HIBCH: variants seen among roughly 807,000 people sequenced by gnomAD.
HIBCH encodes 3-hydroxyisobutyryl-CoA hydrolase.
In HIBCH, 50 loss-of-function variants were observed where a neutral mutation model predicts 58.2. The observed-to-expected ratio is 0.86, with a 90% CI of 0.68 to 1.09. The LOEUF (loss-of-function observed/expected upper bound fraction) is 1.09. HIBCH is among the 50% of genes least tolerant of loss of function. The pLI, the probability that HIBCH is intolerant of heterozygous loss-of-function variation, is 0.00. For synonymous variants in HIBCH, 151 were observed against 146.9 expected (o/e 1.03, Z -0.20); for missense variants, 450 against 449.7 (o/e 1.00, Z -0.01).
chr2:190,211,756 C>T lies in HIBCH; in HGVS notation c.1011+1200G>A, dbSNP rs1209126734. Among the ~76,000 whole-genome samples, 1 of 152,066 alleles carries T rather than the reference C, an allele frequency of 6.6e-6. No homozygotes were observed. The highest frequency in any genetic ancestry group is 1.5e-5 in the Non-Finnish European group (1 of 68,004). On this transcript the variant is annotated intron_variant, in intron 12 of 13. Coordinates refer to ENST00000359678, the MANE Select transcript of HIBCH (RefSeq NM_014362.4). The surrounding 1 kb of genome is among the most constrained non-coding windows in gnomAD (Gnocchi z 5.0). ...ATTTTACTTATTTTGTTTACTTGTT[C>T]TTTGTAGTCTCAGTAGACTAAACCC... is the stretch of plus-strand genomic sequence containing the variant.
At chr2:190,297,863 C>A (rs1688144933) in intron 2 of HIBCH, among the ~76,000 whole-genome samples, 2 of 151,902 alleles carry the variant, frequency 1.3e-5, no homozygotes, top group South Asian at 4.1e-4. Flanking sequence ...GGTTTTAAAC[C>A]CTGCGTGCAT....
chr2:190,228,979 G>A (rs1291108193), intron 11 of HIBCH, among the ~76,000 whole-genome samples: 1 of 152,126 alleles, frequency 6.6e-6, no homozygotes, highest in East Asian at 1.9e-4. Context: ...CTTTTGACAA[G>A]TTTTATCTAG....
At chr2:190,284,343 A>C (rs3791800) in intron 6 of HIBCH, among the ~76,000 whole-genome samples, 39,795 of 152,062 alleles carry the variant, frequency 0.26, 5,766 homozygotes, top group African/African-American at 0.37. Flanking sequence ...TGCCTTCAGA[A>C]ATGATGTGCT....
At chr2:190,263,373 T>G (rs1440883917) in intron 6 of HIBCH, among the ~76,000 whole-genome samples, 1 of 152,182 alleles carries the variant, frequency 6.6e-6, no homozygotes, top group Non-Finnish European at 1.5e-5. Flanking sequence ...ATGAAATGCT[T>G]TACTGGGCTT....
intron 11 of HIBCH, among the ~76,000 whole-genome samples, chr2:190,229,682 C>A (rs933058010): frequency 5.3e-5 from 8 of 152,148 alleles, no homozygotes; most frequent in Non-Finnish European, 1.0e-4. Flanking sequence ...TTTTTAAACA[C>A]TTGCAAGGCA....
At position 190,281,294 on chromosome 2, in the gene HIBCH, C is replaced by A. The variant is rs1416200962; in HGVS notation, c.438+6292G>T. Among the ~76,000 whole-genome samples the A allele has an allele frequency of 6.6e-6, 1 of 152,192 alleles. No homozygotes were observed. The highest frequency in any genetic ancestry group is 2.4e-5 in the African/African-American group (1 of 41,450). On this transcript the variant is annotated intron_variant, in intron 6 of 13. Coordinates refer to ENST00000359678, the MANE Select transcript of HIBCH (RefSeq NM_014362.4). This position sits in a 1 kb window ranked among gnomAD's most constrained non-coding sequence, Gnocchi z 5.4. ...TTCTGACAGCCTGCAGAATTAGCAC[C>A]ACATGGATGCCACCAAGGCTTATGG...
At chr2:190,286,886 T>C (rs1480215865) in intron 6 of HIBCH, among the ~76,000 whole-genome samples, 4 of 151,910 alleles carry the variant, frequency 2.6e-5, no homozygotes. Flanking sequence ...CTCAACATTC[T>C]AGTTTCTCTT....
At chr2:190,300,318 C>A (rs1688227682) in intron 2 of HIBCH, among the ~76,000 whole-genome samples, 1 of 152,142 alleles carries the variant, frequency 6.6e-6, no homozygotes, top group Non-Finnish European at 1.5e-5. Context: ...ACATCCTCAC[C>A]AGCATCTGTT....
In HIBCH at chr2:190,254,898, T is replaced by G. The variant is rs1297861431; in HGVS notation, c.518-2591A>C. ...ACAGCCACTAGCCATATGTAGCTAT[T>G]AAACACCTGAAATGTAGCTGGTGTG... On this transcript the variant is annotated intron_variant, in intron 7 of 13. Transcript: ENST00000359678. This position sits in a 1 kb window ranked among gnomAD's most constrained non-coding sequence, Gnocchi z 5.0. 6.6e-6 allele frequency among the ~76,000 whole-genome samples: 1 copy of G among 152,234 alleles called. No individual in the cohort carries two copies. Among genetic ancestry groups the G allele is most frequent in the Non-Finnish European group, 1.5e-5 (1 of 68,040 alleles).
Position 190,209,619 on chromosome 2 carries a change from A to T in HIBCH, c.1012-706T>A, listed in dbSNP as rs1187193286. Among the ~76,000 whole-genome samples, 1 of 152,204 alleles carries T rather than the reference A, an allele frequency of 6.6e-6. No homozygotes were observed. Among genetic ancestry groups the T allele is most frequent in the African/African-American group, 2.4e-5 (1 of 41,442 alleles). On this transcript the variant is annotated intron_variant, in intron 12 of 13. Coordinates refer to ENST00000359678, the MANE Select transcript of HIBCH (RefSeq NM_014362.4). This position sits in a 1 kb window ranked among gnomAD's most constrained non-coding sequence, Gnocchi z 5.6. Reference sequence around the variant, plus strand: ...TCTCACCACTAAAACACCTGCAGGCAACTGTGGCCATCTGCACCTGCCTTC... The same window carrying T: ...TCTCACCACTAAAACACCTGCAGGCTACTGTGGCCATCTGCACCTGCCTTC...
chr2:190,299,523 A>C (rs1688203024), intron 2 of HIBCH, among the ~76,000 whole-genome samples: 1 of 152,178 alleles, frequency 6.6e-6, no homozygotes, highest in Non-Finnish European at 1.5e-5. Context: ...ACACACACAT[A>C]TCTGATATAT....
intron 6 of HIBCH, among the ~76,000 whole-genome samples, chr2:190,282,444 A>G (rs1687726330): frequency 6.6e-6 from 1 of 152,240 alleles, no homozygotes; most frequent in Non-Finnish European, 1.5e-5. Context: ...CCCAAAACAT[A>G]GGAAGCAACC....
rs1690508258 is a variant in HIBCH, at chr2:190,211,297, C to T, written c.1011+1659G>A. On this transcript the variant is annotated intron_variant, in intron 12 of 13. Coordinates refer to ENST00000359678, the MANE Select transcript of HIBCH (RefSeq NM_014362.4). The surrounding 1 kb of genome is among the most constrained non-coding windows in gnomAD (Gnocchi z 5.0). ...ACTCCTAAATGCATTCCTTCCCTCACATCCAGCAAGTCCTATCTATTCTAT... is the reference window on the plus strand; with the variant it reads ...ACTCCTAAATGCATTCCTTCCCTCATATCCAGCAAGTCCTATCTATTCTAT... 6.6e-6 allele frequency among the ~76,000 whole-genome samples: 1 copy of T among 152,202 alleles called. No homozygotes were observed. Among genetic ancestry groups the T allele is most frequent in the South Asian group, 2.1e-4 (1 of 4,834 alleles).
downstream of HIBCH, chr2:190,200,605 A>G (rs1303160086): frequency 1.7e-5 from 3 of 177,086 alleles, no homozygotes; most frequent in Non-Finnish European, 4.1e-5. Context: ...AGTGATTAAC[A>G]GTAAGTCTTG....
At chr2:190,280,880 T>C (rs1030644242) in intron 6 of HIBCH, 1 of 152,346 alleles carries the variant, frequency 6.6e-6, no homozygotes, top group Admixed American at 6.5e-5. Flanking sequence ...CATCCTATTG[T>C]TCCTGTTCTA....
At chr2:190,222,778 C>T (rs6434381) in intron 11 of HIBCH, among the ~76,000 whole-genome samples, 31,011 of 152,092 alleles carry the variant, frequency 0.2, 3,402 homozygotes, top group East Asian at 0.32. Context: ...TGGGTATATA[C>T]CCAAAGGATT....
At chr2:190,252,021 A>G in intron 8 of HIBCH, 141 bp downstream of exon 8, 1 of 730,796 alleles carries the variant, frequency 1.4e-6, no homozygotes, top group South Asian at 1.7e-5. Flanking sequence ...CCAAGGTAAC[A>G]CAGCTATAAA....
intron 6 of HIBCH, among the ~76,000 whole-genome samples, chr2:190,282,602 T>A (rs1279049850): frequency 6.6e-6 from 1 of 152,052 alleles, no homozygotes; most frequent in Non-Finnish European, 1.5e-5. Context: ...GAAACAAACC[T>A]CAACATGGGT....
intron 11 of HIBCH, chr2:190,213,860 C>G (rs1349274117): frequency 6.6e-6 from 1 of 152,162 alleles, no homozygotes; most frequent in Non-Finnish European, 1.5e-5. Context: ...GACCTGTGCA[C>G]TAGGAGGTTA....
Sources: allele counts gnomAD v4.1 joint callset (sites outside exome capture counted in the v4.1 genomes callset), GRCh38; gene constraint gnomAD v4.1.1; non-coding constraint Gnocchi (gnomAD v3.1); transcripts MANE v1.5; gene names NCBI Gene and HGNC (gene_info 2026-07-23, HGNC 2026-07-21).